TRAPPC11: variants seen among roughly 807,000 people sequenced by gnomAD.
TRAPPC11 encodes trafficking protein particle complex subunit 11, also known as foie gras homolog.
In TRAPPC11, 104 loss-of-function variants were observed where a neutral mutation model predicts 151.2. That is an observed-to-expected ratio of 0.69 (90% confidence interval 0.59 to 0.81). TRAPPC11 has a LOEUF of 0.81. Ranked by LOEUF, TRAPPC11 falls within the 30% of genes least tolerant of loss-of-function variation. TRAPPC11 has a pLI of 0.00. For synonymous variants in TRAPPC11, 456 were observed against 472.3 expected (o/e 0.97, Z 0.45); for missense variants, 1,230 against 1,349.6 (o/e 0.91, Z 1.39).
intron 10 of TRAPPC11, among the ~76,000 whole-genome samples, chr4:183,682,092 G>A (rs960456255): frequency 9.9e-5 from 15 of 152,214 alleles, no homozygotes; most frequent in African/African-American, 3.6e-4. Flanking sequence ...GAAGGAGGTT[G>A]AAAATTAATC....
intron 18 of TRAPPC11, among the ~76,000 whole-genome samples, chr4:183,689,166 A>G (rs1736129795): frequency 6.6e-6 from 1 of 152,230 alleles, no homozygotes; most frequent in Non-Finnish European, 1.5e-5. Flanking sequence ...TAATCCATGT[A>G]CAAAAGTACA....
At chr4:183,662,037 T>G (rs1475927929) in intron 1 of TRAPPC11, among the ~76,000 whole-genome samples, 1 of 152,138 alleles carries the variant, frequency 6.6e-6, no homozygotes, top group East Asian at 1.9e-4. Context: ...GTGCTGGGAT[T>G]ATAGGCATGA....
intron 10 of TRAPPC11, among the ~76,000 whole-genome samples, chr4:183,682,079 A>G (rs999673172): frequency 6.6e-6 from 1 of 152,244 alleles, no homozygotes; most frequent in Non-Finnish European, 1.5e-5. Flanking sequence ...TATTTAAATG[A>G]AAGAAGGAGG....
In TRAPPC11 at chr4:183,704,686, G is replaced by A. The variant is rs574395752; in HGVS notation, c.2964-293G>A. On this transcript the variant is annotated intron_variant, in intron 26 of 29. Transcript: ENST00000334690. ...AAATTAGCCAGGCGTGGTGGCGGGC[G>A]CCTGTAGTTCCAGCTACTCGGGAGG... Among the ~76,000 whole-genome samples the A allele has an allele frequency of 1.2e-4, 18 of 152,080 alleles. No homozygotes were observed. In the East Asian group the frequency reaches 1.7e-3, roughly 15 times the overall value.
At chr4:183,661,983 T>C (rs1415584533) in intron 1 of TRAPPC11, among the ~76,000 whole-genome samples, 3 of 152,014 alleles carry the variant, frequency 2.0e-5, no homozygotes, top group African/African-American at 7.2e-5. Flanking sequence ...CAGGCCAGTC[T>C]TGAACTCCTG....
At chr4:183,709,980 C>T (rs1156566779) in intron 29 of TRAPPC11, among the ~76,000 whole-genome samples, 1 of 152,058 alleles carries the variant, frequency 6.6e-6, no homozygotes, top group African/African-American at 2.4e-5. Flanking sequence ...CCATAATGTC[C>T]CTTTAGCTGT....
intron 25 of TRAPPC11, among the ~76,000 whole-genome samples, chr4:183,700,047 C>T (rs547171438): frequency 2.2e-4 from 34 of 152,214 alleles, no homozygotes; most frequent in African/African-American, 7.5e-4. Flanking sequence ...CTCCTGACCG[C>T]GTGATCTGCT....
intron 11 of TRAPPC11, chr4:183,683,766 T>G: frequency 1.8e-6 from 1 of 560,690 alleles, no homozygotes. Flanking sequence ...TAGAAGAACA[T>G]TGAGCTCAAT....
At chr4:183,702,996 C>G (rs183748685) in intron 26 of TRAPPC11, among the ~76,000 whole-genome samples, 179 of 152,014 alleles carry the variant, frequency 1.2e-3, no homozygotes, top group African/African-American at 4.1e-3. Context: ...CTAAAAAAAC[C>G]AGTAACTGGA....
rs572493619 is a variant in TRAPPC11, at chr4:183,670,024, T to C, written c.560+1907T>C. 2.2e-4 allele frequency among the ~76,000 whole-genome samples: 34 copies of C among 152,324 alleles called. 1 individual carries two copies. In the South Asian group the frequency reaches 6.4e-3, roughly 29 times the overall value. Reference sequence around the variant, plus strand: ...GATGGGGAGTGCATAAGATAGTCCATTGGAGATGAGGAAACTCATAGACCC... The same window carrying C: ...GATGGGGAGTGCATAAGATAGTCCACTGGAGATGAGGAAACTCATAGACCC... On this transcript the variant is annotated intron_variant, in intron 5 of 29. Coordinates refer to ENST00000334690, the MANE Select transcript of TRAPPC11 (RefSeq NM_021942.6).
chr4:183,710,405 G>A (rs962141686), intron 29 of TRAPPC11, among the ~76,000 whole-genome samples: 8 of 151,738 alleles, frequency 5.3e-5, no homozygotes, highest in Non-Finnish European at 1.5e-5. Flanking sequence ...TCCTGCCTCA[G>A]CCTCCCGAGT....
At chr4:183,704,673 C>A (rs1165186538) in intron 26 of TRAPPC11, among the ~76,000 whole-genome samples, 1 of 151,652 alleles carries the variant, frequency 6.6e-6, no homozygotes, top group African/African-American at 2.4e-5. Context: ...ATTAGCCAGG[C>A]GTGGTGGCGG....
intron 1 of TRAPPC11, among the ~76,000 whole-genome samples, chr4:183,660,154 A>G (rs1734399056): frequency 6.6e-6 from 1 of 152,230 alleles, no homozygotes; most frequent in African/African-American, 2.4e-5. Context: ...CGGGGTTCTC[A>G]TTCAAATTCC....
At chr4:183,711,258 A>T (rs1737327167) in intron 29 of TRAPPC11, among the ~76,000 whole-genome samples, 1 of 152,196 alleles carries the variant, frequency 6.6e-6, no homozygotes, top group Non-Finnish European at 1.5e-5. Context: ...CACTAGCCAC[A>T]TGTGACTATT....
At chr4:183,665,165 G>A (rs1042375690) in intron 2 of TRAPPC11, among the ~76,000 whole-genome samples, 11 of 148,672 alleles carry the variant, frequency 7.4e-5, no homozygotes, top group African/African-American at 2.2e-4. Flanking sequence ...CGCGATATCG[G>A]CTCACTGCAA....
intron 1 of TRAPPC11, among the ~76,000 whole-genome samples, chr4:183,660,425 T>A (rs1257884433): frequency 2.0e-5 from 3 of 152,206 alleles, no homozygotes; most frequent in Admixed American, 1.3e-4. Context: ...ACTTTTATAT[T>A]ATTGTCAGTA....
intron 1 of TRAPPC11, among the ~76,000 whole-genome samples, chr4:183,661,355 G>C (rs1310702090): frequency 7.2e-6 from 1 of 138,334 alleles, no homozygotes; most frequent in Non-Finnish European, 1.5e-5. Context: ...TACTGGTGTA[G>C]ATTACCTTTT....
rs70959134 is a variant in TRAPPC11 at position 183,663,736 on chromosome 4, G to GTTTT, written c.-21-95_-21-92dup. 4.8e-4 allele frequency: 186 copies of GTTTT among 388,274 alleles called. 4 individuals are homozygous for GTTTT. The highest frequency in any genetic ancestry group is 1.3e-3 in the South Asian group (38 of 30,330). The allele number at this position is 388,274 out of a possible 1,614,324, so 24.1% of individuals were successfully genotyped here. A position where few individuals can be genotyped will look rare whatever the true frequency, so the allele number is the denominator to read the frequency against. On this transcript the variant is annotated intron_variant, in intron 1 of 29. Transcript: ENST00000334690. Reference sequence around the variant, plus strand: ...CATATATTGGAAATGAATATGAGTTGTTTTTTTTTTTTTTTTTTTGAGACA... The same window carrying GTTTT: ...CATATATTGGAAATGAATATGAGTTGTTTTTTTTTTTTTTTTTTTTTTTGAGACA...
Position 183,684,607 on chromosome 4 carries a change from A to G in TRAPPC11, c.1422-89A>G, listed in dbSNP as rs914293027. On this transcript the variant is annotated intron_variant, in intron 14 of 29. Transcript: ENST00000334690. Reference sequence around the variant, plus strand: ...CTCAGTAAGATTTTTCTATACTTACATAAAATGAGGAAAGTATTTTTTTCT... The same window carrying G: ...CTCAGTAAGATTTTTCTATACTTACGTAAAATGAGGAAAGTATTTTTTTCT... The G allele has an allele frequency of 7.9e-6, 11 of 1,399,902 alleles. No individual in the cohort carries two copies. The Admixed American group carries it at 8.5e-5, about 11-fold the overall frequency. 86.7% of individuals were successfully genotyped at this position (1,399,902 alleles called of 1,614,324 possible). A position where few individuals can be genotyped will look rare whatever the true frequency, so the allele number is the denominator to read the frequency against.
Sources: allele counts gnomAD v4.1 joint callset (sites outside exome capture counted in the v4.1 genomes callset), GRCh38; gene constraint gnomAD v4.1.1; transcripts MANE v1.5; gene names NCBI Gene and HGNC (gene_info 2026-07-23, HGNC 2026-07-21).